The following MANSC4 variants were observed in gnomAD, a reference collection of about 807,000 sequenced individuals.
The protein encoded by MANSC4 is MANSC domain containing 4, also known as MANSC domain-containing protein 4.
MANSC4 carries 11 observed loss-of-function variants against 11.4 expected under a neutral mutation model. That is an observed-to-expected ratio of 0.97 (90% CI 0.61 to 1.60). The LOEUF (loss-of-function observed/expected upper bound fraction) is 1.60, where lower values mean the gene tolerates loss of function less well. MANSC4 is among the 40% of genes most tolerant of loss of function. The pLI, the probability that MANSC4 is intolerant of heterozygous loss-of-function variation, is 0.00. For synonymous variants in MANSC4, 123 were observed against 147.1 expected, an observed-to-expected ratio of 0.84 and a Z score of 1.19; for missense variants, 354 against 404.6, an observed-to-expected ratio of 0.88 and a Z score of 1.07.
chr12:27,767,785 G>A (rs2062080071), intron 2 of MANSC4, among the ~76,000 whole-genome samples: 1 of 152,150 alleles, frequency 6.6e-6, no homozygotes, highest in African/African-American at 2.4e-5. Context: ...AAGGGGCTGG[G>A]GGTCACCAGA....
chr12:27,770,432 C>T (rs954641919), intron 2 of MANSC4, among the ~76,000 whole-genome samples: 1 of 146,412 alleles, frequency 6.8e-6, no homozygotes, highest in Non-Finnish European at 1.6e-5. Flanking sequence ...CCACCCACCT[C>T]GGCCTCCCAA....
chr12:27,768,543 C>T (rs2062084733), intron 2 of MANSC4, among the ~76,000 whole-genome samples: 1 of 151,948 alleles, frequency 6.6e-6, no homozygotes, highest in African/African-American at 2.4e-5. Flanking sequence ...TGCAAATCTT[C>T]AGTCTATCCT....
intron 1 of MANSC4, among the ~76,000 whole-genome samples, chr12:27,775,066 A>AATAC (rs1387461368): frequency 1.4e-5 from 2 of 146,148 alleles, no homozygotes; most frequent in East Asian, 4.0e-4. Context: ...TAAATAAATA[A>AATAC]ATAAGATTAC....
intron 1 of MANSC4, among the ~76,000 whole-genome samples, chr12:27,777,440 TC>T: frequency 6.6e-6 from 1 of 152,258 alleles, no homozygotes; most frequent in South Asian, 2.1e-4. Flanking sequence ...CCAGCAAAAT[TC>T]CCCAGCCTGA....
chr12:27,777,101 C>G (rs542956532), intron 1 of MANSC4, among the ~76,000 whole-genome samples: 1 of 152,310 alleles, frequency 6.6e-6, no homozygotes, highest in South Asian at 2.1e-4. Context: ...CTCACAAGAT[C>G]AATGCCCAGT....
intron 1 of MANSC4, among the ~76,000 whole-genome samples, chr12:27,775,697 G>A (rs1016685788): frequency 2.0e-5 from 3 of 151,894 alleles, no homozygotes; most frequent in African/African-American, 7.3e-5. Flanking sequence ...TCACTGCACT[G>A]GCCTCCTATA....
At chr12:27,778,918 G>C (rs532410266) in intron 1 of MANSC4, among the ~76,000 whole-genome samples, 2 of 152,316 alleles carry the variant, frequency 1.3e-5, no homozygotes, top group Admixed American at 6.5e-5. Flanking sequence ...GCCCAGGCTG[G>C]AGTGCAGTGG....
rs35441719 is a variant in MANSC4, at chr12:27,762,652, A to AT, written c.*85dup. The AT allele has an allele frequency of 0.026, 27,753 of 1,059,956 alleles. 4 individuals are homozygous for AT. The highest frequency in any genetic ancestry group is 0.033 in the South Asian group (1,621 of 49,758). The allele number at this position is 1,059,956 out of a possible 1,614,324, so 65.7% of individuals were successfully genotyped here. On this transcript the variant is annotated 3_prime_UTR_variant, in exon 4 of 4. Transcript: ENST00000381273. ...AGGCATGAACCACCACGCCCAGCCT[A>AT]TTTTTTTTTTTTAACCAAACTGCGT...
At chr12:27,766,620 A>C in intron 3 of MANSC4, 45 bp downstream of exon 3, 7 of 1,538,478 alleles carry the variant, frequency 4.5e-6, no homozygotes, top group Non-Finnish European at 6.1e-6. Context: ...CTCTACTAGA[A>C]TATCGCCAGC....
chr12:27,767,845 G>A (rs1195661234), intron 2 of MANSC4, among the ~76,000 whole-genome samples: 2 of 152,196 alleles, frequency 1.3e-5, no homozygotes, highest in African/African-American at 4.8e-5. Flanking sequence ...AGAAGAGGGA[G>A]TAGTGGGAAG....
chr12:27,771,076 G>A lies in MANSC4; in HGVS notation c.201C>T (p.Cys67=), dbSNP rs1393055042. 1 of 1,551,578 alleles carries A rather than the reference G, an allele frequency of 6.4e-7. No individual in the cohort carries two copies. The highest frequency in any genetic ancestry group is 1.4e-5 in the African/African-American group (1 of 73,150). Residue 67 remains cysteine (C), a synonymous_variant, in exon 2 of 4, where the codon TGC becomes TGT. Coordinates refer to ENST00000381273, the MANE Select transcript of MANSC4 (RefSeq NM_001146221.5). The part of the protein sequence containing the change: ...KYYSESTGQK[C]SRSCCLRKDV... The stretch of plus-strand genomic sequence containing the variant: ...CCTTCCGAAGACAGCAGCTCCTACT[G>A]CACTTCTGGCCAGTGCTTTCAGAAT...
chr12:27,774,991 T>A (rs1565478914), intron 1 of MANSC4, among the ~76,000 whole-genome samples: 1 of 151,888 alleles, frequency 6.6e-6, no homozygotes, highest in East Asian at 1.9e-4. Context: ...GCCACTGCAC[T>A]CCAGCCTGGG....
intron 2 of MANSC4, among the ~76,000 whole-genome samples, chr12:27,769,285 T>C (rs1423470707): frequency 6.6e-6 from 1 of 152,246 alleles, no homozygotes; most frequent in Non-Finnish European, 1.5e-5. Context: ...GAGGACAATT[T>C]TGAAACATGT....
chr12:27,771,725 A>G (rs12370269), intron 1 of MANSC4, among the ~76,000 whole-genome samples, 143 bp from the exon 2 acceptor site: 24,951 of 152,148 alleles, frequency 0.16, 2,542 homozygotes, highest in Non-Finnish European at 0.23. Flanking sequence ...CATAAACAAG[A>G]CATGATTTTG....
intron 2 of MANSC4, 57 bp from the exon 3 acceptor site, chr12:27,766,856 A>G (rs1464236002): frequency 1.3e-6 from 2 of 1,526,238 alleles, no homozygotes; most frequent in South Asian, 1.2e-5. Flanking sequence ...CACCAATTTC[A>G]TGAACTCTGA....
At chr12:27,769,400 T>C (rs1175410864) in intron 2 of MANSC4, among the ~76,000 whole-genome samples, 4 of 152,220 alleles carry the variant, frequency 2.6e-5, no homozygotes, top group Non-Finnish European at 5.9e-5. Context: ...TCCTGTTCTT[T>C]CTTGTTCTGA....
At chr12:27,766,577 T>A in intron 3 of MANSC4, 88 bp downstream of exon 3, 1 of 1,379,662 alleles carries the variant, frequency 7.2e-7, no homozygotes, top group Non-Finnish European at 9.8e-7. Flanking sequence ...GACTCACATA[T>A]GGCTATTGCC....
chr12:27,769,581 C>T (rs538780857), intron 2 of MANSC4, among the ~76,000 whole-genome samples: 120 of 152,356 alleles, frequency 7.9e-4, no homozygotes, highest in African/African-American at 2.8e-3. Context: ...GCTATCTCCC[C>T]TCAGTGAGGA....
At chr12:27,764,317 A>T (rs2062062115) in intron 3 of MANSC4, among the ~76,000 whole-genome samples, 1 of 152,130 alleles carries the variant, frequency 6.6e-6, no homozygotes, top group Non-Finnish European at 1.5e-5. Context: ...ACATGCCAGC[A>T]TCCGTTGCTT....
Sources: allele counts gnomAD v4.1 joint callset (sites outside exome capture counted in the v4.1 genomes callset), GRCh38; gene constraint gnomAD v4.1.1; transcripts MANE v1.5; gene names NCBI Gene and HGNC (gene_info 2026-07-23, HGNC 2026-07-21).